The following ZSCAN25 variants were observed in gnomAD, a reference collection of about 807,000 sequenced individuals.
ZSCAN25 encodes zinc finger and SCAN domain containing 25, also known as zinc finger and SCAN domain-containing protein 25.
In ZSCAN25, 27 loss-of-function variants were observed where a neutral mutation model predicts 38.7. The observed-to-expected ratio is 0.70, with a 90% CI of 0.51 to 0.96. ZSCAN25 has a LOEUF of 0.96. Ranked by LOEUF, ZSCAN25 falls within the 40% of genes least tolerant of loss-of-function variation. ZSCAN25 has a pLI of 0.00. For synonymous variants in ZSCAN25, 273 were observed against 277.7 expected (o/e 0.98, Z 0.17); for missense variants, 637 against 705.9 (o/e 0.90, Z 1.11).
chr7:99,626,832 A>G (rs1355578426), intron 7 of ZSCAN25, among the ~76,000 whole-genome samples: 2 of 152,212 alleles, frequency 1.3e-5, no homozygotes, highest in Non-Finnish European at 2.9e-5. Context: ...TGGTGAATGT[A>G]AGGCTCAGAG....
chr7:99,701,381 T>A, the ZSCAN25 span, among the ~76,000 whole-genome samples: 1 of 152,326 alleles, frequency 6.6e-6, no homozygotes, highest in South Asian at 2.1e-4. Flanking sequence ...TGCTTCCAAA[T>A]CTTGGCATTT....
At chr7:99,724,989 A>G in the ZSCAN25 span, among the ~76,000 whole-genome samples, 1 of 152,112 alleles carries the variant, frequency 6.6e-6, no homozygotes, top group East Asian at 1.9e-4. Flanking sequence ...CATGAGCCAG[A>G]CCTTCAAGAA....
At chr7:99,730,732 G>T in the ZSCAN25 span, 2 of 299,646 alleles carry the variant, frequency 6.7e-6, no homozygotes, top group Non-Finnish European at 1.3e-5. Context: ...TACTAACTAA[G>T]TATGGCTGTA....
At chr7:99,649,420 G>T in the ZSCAN25 span, among the ~76,000 whole-genome samples, 1 of 152,168 alleles carries the variant, frequency 6.6e-6, no homozygotes, top group Admixed American at 6.5e-5. Context: ...TCAGAGAAAA[G>T]ATTCTAAATC....
the ZSCAN25 span, chr7:99,735,187 G>A: frequency 6.7e-7 from 1 of 1,501,218 alleles, no homozygotes; most frequent in South Asian, 1.1e-5. Context: ...TTCCTGCCCT[G>A]CACAGCAGTG....
chr7:99,660,964 T>G, the ZSCAN25 span, among the ~76,000 whole-genome samples: 1 of 152,188 alleles, frequency 6.6e-6, no homozygotes. Context: ...ATACTCAGTG[T>G]TATGGGTGTG....
the ZSCAN25 span, among the ~76,000 whole-genome samples, chr7:99,655,087 A>G: frequency 5.3e-5 from 8 of 152,256 alleles, no homozygotes; most frequent in Admixed American, 3.3e-4. Flanking sequence ...GTTTCATTAG[A>G]TCCCATTTGT....
intron 5 of ZSCAN25, 98 bp from the exon 6 acceptor site, chr7:99,622,451 G>C: frequency 9.2e-7 from 1 of 1,091,096 alleles, no homozygotes; most frequent in Non-Finnish European, 1.4e-6. Context: ...TCTGGTTCCT[G>C]AGGTTGTGAG....
chr7:99,622,791 C>T, intron 6 of ZSCAN25, 151 bp downstream of exon 6: 1 of 698,774 alleles, frequency 1.4e-6, no homozygotes, highest in Non-Finnish European at 2.4e-6. Flanking sequence ...GGTGTGGTTT[C>T]CTCCACTGAA....
At chr7:99,618,889 C>G (rs1418571338) in intron 2 of ZSCAN25, among the ~76,000 whole-genome samples, 159 bp from the exon 3 acceptor site, 1 of 152,128 alleles carries the variant, frequency 6.6e-6, no homozygotes, top group Non-Finnish European at 1.5e-5. Context: ...TCTTGGACAC[C>G]CAGAGTAATT....
chr7:99,665,248 G>T, the ZSCAN25 span: 1 of 1,614,156 alleles, frequency 6.2e-7, no homozygotes, highest in Non-Finnish European at 8.5e-7. Flanking sequence ...GTGGATTGTT[G>T]AGAGAGTCGA....
In ZSCAN25 at chr7:99,627,632, A is replaced by T. The variant is rs769040574; in HGVS notation, c.806-1559A>T. On this transcript the variant is annotated intron_variant, in intron 7 of 7. Transcript: ENST00000394152. ...AAGAACAGGCAAAAAAGTCCAGACA[A>T]TGTGTTCCCGTTGGTATAGTATATA... is the stretch of plus-strand genomic sequence containing the variant. Among the ~76,000 whole-genome samples the T allele has an allele frequency of 2.6e-5, 4 of 152,004 alleles. No individual in the cohort carries two copies. In the East Asian group the frequency reaches 7.7e-4, roughly 29 times the overall value.
the ZSCAN25 span, chr7:99,663,138 T>C: frequency 8.3e-7 from 1 of 1,203,008 alleles, no homozygotes; most frequent in South Asian, 2.0e-5. Flanking sequence ...TTTCTCATCT[T>C]CTCTGTCTTT....
chr7:99,685,075 T>C, the ZSCAN25 span: 1 of 1,180,114 alleles, frequency 8.5e-7, no homozygotes, highest in African/African-American at 1.5e-5. Flanking sequence ...ACAAAGTAAT[T>C]TGAGGTCTCT....
chr7:99,719,755 C>A, the ZSCAN25 span, among the ~76,000 whole-genome samples: 1 of 152,252 alleles, frequency 6.6e-6, no homozygotes, highest in East Asian at 1.9e-4. Context: ...TTGCACAAAT[C>A]TACAAATGTG....
At position 99,632,221 on chromosome 7, in the gene ZSCAN25, TAGGG is replaced by T. The variant is rs1808056149; in HGVS notation, c.*2202_*2205del. 1 of 985,240 alleles carries T rather than the reference TAGGG, an allele frequency of 1.0e-6. No homozygotes were observed. Among genetic ancestry groups the T allele is most frequent in the South Asian group, 4.7e-5 (1 of 21,282 alleles). The allele number at this position is 985,240 out of a possible 1,614,324, so 61.0% of individuals were successfully genotyped here. A position where few individuals can be genotyped will look rare whatever the true frequency, so the allele number is the denominator to read the frequency against. The stretch of plus-strand genomic sequence containing the variant: ...ACAGTGTCTCAGAAAAGCCTCTAAG[TAGGG>T]GGTTTTTCCCATGGGATTGTGGTAG... On this transcript the variant is annotated 3_prime_UTR_variant, in exon 8 of 8. Transcript: ENST00000394152.
chr7:99,669,790 T>C, the ZSCAN25 span, among the ~76,000 whole-genome samples: 4 of 152,324 alleles, frequency 2.6e-5, no homozygotes, highest in South Asian at 6.2e-4. Context: ...TATGAAGCAG[T>C]GAAAAATATG....
At chr7:99,713,781 T>G in the ZSCAN25 span, among the ~76,000 whole-genome samples, 2 of 152,220 alleles carry the variant, frequency 1.3e-5, no homozygotes, top group Non-Finnish European at 2.9e-5. Context: ...TGGTCCTAAC[T>G]GCATACCCAT....
the ZSCAN25 span, chr7:99,699,924 TCCAAGTTAA>T: frequency 1.4e-6 from 2 of 1,388,412 alleles, no homozygotes; most frequent in Non-Finnish European, 2.1e-6. Context: ...GCACCCCAAG[TCCAAGTTAA>T]CAGAGGAGAG....
Sources: allele counts gnomAD v4.1 joint callset (sites outside exome capture counted in the v4.1 genomes callset), GRCh38; gene constraint gnomAD v4.1.1; transcripts MANE v1.5; gene names NCBI Gene and HGNC (gene_info 2026-07-23, HGNC 2026-07-21).